The following SSBP2 variants were observed in gnomAD, a reference collection of about 807,000 sequenced individuals.
SSBP2 encodes single stranded DNA binding protein 2.
A neutral mutation model predicts 61.8 loss-of-function variants in SSBP2; 17 were observed. The observed-to-expected ratio is 0.28, with a 90% CI of 0.19 to 0.41. SSBP2 has a LOEUF of 0.41. SSBP2 is among the 10% of genes least tolerant of loss of function. The pLI is 1.00. For synonymous variants in SSBP2, 139 were observed against 141.3 expected (o/e 0.98, Z 0.12); for missense variants, 310 against 458.7 (o/e 0.68, Z 2.96).
At chr5:81,588,895 C>CTTTACAAAAATACAAAA (rs1775279735) in intron 4 of SSBP2, among the ~76,000 whole-genome samples, 2 of 152,076 alleles carry the variant, frequency 1.3e-5, no homozygotes, top group African/African-American at 4.8e-5. Context: ...AAAACCCTTT[C>CTTTACAAAAATACAAAA]TTTACAAAAA....
rs568681845 is a variant in SSBP2, at chr5:81,691,056, G to T, written c.63-40717C>A. 2.0e-5 allele frequency among the ~76,000 whole-genome samples: 3 copies of T among 151,756 alleles called. 1 individual carries two copies. The South Asian group carries it at 6.2e-4, about 32-fold the overall frequency. ...GGAACACAACATACCAAAACCTGTGGGATACAGCGAAAGCCATTCTAAGAG... is the reference window on the plus strand; with the variant it reads ...GGAACACAACATACCAAAACCTGTGTGATACAGCGAAAGCCATTCTAAGAG... On this transcript the variant is annotated intron_variant, in intron 1 of 16. Coordinates refer to ENST00000320672, the MANE Select transcript of SSBP2 (RefSeq NM_012446.5).
intron 1 of SSBP2, among the ~76,000 whole-genome samples, chr5:81,728,718 T>C (rs951603088): frequency 6.6e-6 from 1 of 152,202 alleles, no homozygotes; most frequent in African/African-American, 2.4e-5. Flanking sequence ...GGTTGCTTGA[T>C]TGATGTCTGA....
chr5:81,536,959 A>G (rs1320637419), intron 4 of SSBP2, among the ~76,000 whole-genome samples: 1 of 151,754 alleles, frequency 6.6e-6, no homozygotes, highest in African/African-American at 2.4e-5. Flanking sequence ...AACTGAGATC[A>G]CAACACTGCA....
At chr5:81,724,241 T>C (rs367776766) in intron 1 of SSBP2, among the ~76,000 whole-genome samples, 10 of 152,040 alleles carry the variant, frequency 6.6e-5, no homozygotes, top group African/African-American at 2.4e-4. Context: ...TGGGGAGAAC[T>C]GGCATCTTTA....
chr5:81,573,900 G>T (rs1210225156), intron 4 of SSBP2, among the ~76,000 whole-genome samples: 1 of 152,174 alleles, frequency 6.6e-6, no homozygotes. Flanking sequence ...CAGCACTTTG[G>T]GAGGCCGAGG....
At chr5:81,713,768 G>A (rs1754968450) in intron 1 of SSBP2, among the ~76,000 whole-genome samples, 1 of 151,802 alleles carries the variant, frequency 6.6e-6, no homozygotes, top group African/African-American at 2.4e-5. Context: ...ACCAAAGCAA[G>A]CAAACAAACA....
intron 4 of SSBP2, among the ~76,000 whole-genome samples, chr5:81,552,569 C>A (rs1309691618): frequency 6.7e-6 from 1 of 150,292 alleles, no homozygotes; most frequent in Non-Finnish European, 1.5e-5. Flanking sequence ...ACCCAGGAGG[C>A]AGAGGATGCA....
chr5:81,698,712 G>A (rs984385769), intron 1 of SSBP2, among the ~76,000 whole-genome samples: 1 of 152,158 alleles, frequency 6.6e-6, no homozygotes, highest in Non-Finnish European at 1.5e-5. Flanking sequence ...GGAGGCTGAG[G>A]CAGGAGAATT....
intron 4 of SSBP2, among the ~76,000 whole-genome samples, chr5:81,549,273 T>C (rs1771991871): frequency 6.6e-6 from 1 of 152,202 alleles, no homozygotes; most frequent in Non-Finnish European, 1.5e-5. Context: ...CATCTTTCTC[T>C]TCATCAATCA....
chr5:81,653,064 A>G (rs1168345370), intron 1 of SSBP2, among the ~76,000 whole-genome samples: 2 of 151,658 alleles, frequency 1.3e-5, no homozygotes, highest in Admixed American at 6.6e-5. Context: ...CCTCATCTAC[A>G]TTAGGTATTT....
chr5:81,653,952 C>T (rs1007963484), intron 1 of SSBP2, among the ~76,000 whole-genome samples: 31 of 151,890 alleles, frequency 2.0e-4, no homozygotes, highest in African/African-American at 7.0e-4. Context: ...TCCAAACCTA[C>T]TTCTCCAAAC....
intron 4 of SSBP2, among the ~76,000 whole-genome samples, chr5:81,566,456 G>A (rs540576695): frequency 1.1e-4 from 17 of 152,202 alleles, no homozygotes; most frequent in African/African-American, 1.7e-4. Flanking sequence ...GCCTGCTGCC[G>A]TCCATGTAAG....
intron 4 of SSBP2, among the ~76,000 whole-genome samples, chr5:81,545,299 ATAG>A (rs2154122672): frequency 6.6e-6 from 1 of 152,346 alleles, no homozygotes; most frequent in South Asian, 2.1e-4. Flanking sequence ...AATCCTATAC[ATAG>A]TAGACTGTGA....
At chr5:81,649,569 A>G (rs1749559180) in intron 2 of SSBP2, among the ~76,000 whole-genome samples, 2 of 152,148 alleles carry the variant, frequency 1.3e-5, no homozygotes, top group Admixed American at 1.3e-4. Context: ...GGAGCTACAC[A>G]TTGAGCACAC....
Position 81,446,773 on chromosome 5 carries a change from A to G in SSBP2, c.778+95T>C, listed in dbSNP as rs567795093. The G allele has an allele frequency of 8.4e-5, 104 of 1,237,808 alleles. No homozygotes were observed. The African/African-American group carries it at 1.2e-3, about 15-fold the overall frequency. The allele number at this position is 1,237,808 out of a possible 1,614,324, so 76.7% of individuals were successfully genotyped here. ...CTACTCCTTTAACTATCGTGAGAAC[A>G]TGAATACTACTAACTTTATTTCATG... is the stretch of plus-strand genomic sequence containing the variant. On this transcript the variant is annotated intron_variant, in intron 12 of 16. Coordinates refer to ENST00000320672, the MANE Select transcript of SSBP2 (RefSeq NM_012446.5).
chr5:81,606,657 A>C (rs1209620597), intron 4 of SSBP2, among the ~76,000 whole-genome samples: 1 of 152,164 alleles, frequency 6.6e-6, no homozygotes, highest in Non-Finnish European at 1.5e-5. Context: ...CCAAATGTAA[A>C]ATTTTGTTGA....
intron 3 of SSBP2, among the ~76,000 whole-genome samples, chr5:81,630,471 T>C (rs1342756635): frequency 1.3e-5 from 2 of 152,202 alleles, no homozygotes; most frequent in East Asian, 1.9e-4. Context: ...TTGATTTATA[T>C]AGATGAAGGA....
intron 8 of SSBP2, among the ~76,000 whole-genome samples, chr5:81,471,373 A>C (rs1183363453): frequency 6.6e-6 from 1 of 151,884 alleles, no homozygotes; most frequent in Non-Finnish European, 1.5e-5. Context: ...TAATACTAAT[A>C]ACAGAGATGA....
intron 12 of SSBP2, 21 bp from the exon 13 acceptor site, chr5:81,442,744 A>G (rs1561403888): frequency 1.2e-5 from 16 of 1,337,504 alleles, no homozygotes; most frequent in Non-Finnish European, 1.6e-5. Flanking sequence ...ATATTACTTA[A>G]TTAAAATATT....
Sources: gnomAD v4.1 joint callset for allele counts (sites outside exome capture counted in the v4.1 genomes callset) on GRCh38, gnomAD v4.1.1 for gene constraint, MANE v1.5 for transcripts, NCBI Gene and HGNC (gene_info 2026-07-23, HGNC 2026-07-21) for gene names.